The following VPS13B variants were observed in gnomAD, a reference collection of about 807,000 sequenced individuals.
VPS13B encodes intermembrane lipid transfer protein VPS13B.
Under a neutral mutation model 426.4 loss-of-function variants are expected in VPS13B, and 285 were observed. The ratio of observed to expected loss-of-function variants is 0.67; its 90% CI spans 0.61 to 0.74. The LOEUF (loss-of-function observed/expected upper bound fraction) is 0.74. VPS13B is among the 30% of genes least tolerant of loss of function. The pLI, the probability that VPS13B is intolerant of heterozygous loss-of-function variation, is 0.00. For missense variants in VPS13B, 4,537 were observed against 4,782.6 expected (o/e 0.95, Z 1.51); for synonymous variants, 1,676 against 1,676.4 (o/e 1.00, Z 0.01).
At chr8:99,850,344 T>A in intron 55 of VPS13B, among the ~76,000 whole-genome samples, 1 of 135,008 alleles carries the variant, frequency 7.4e-6, no homozygotes, top group African/African-American at 3.0e-5. Context: ...TATGTACTTA[T>A]ACATACATAC....
At chr8:99,590,790 T>A (rs994335463) in intron 33 of VPS13B, among the ~76,000 whole-genome samples, 6 of 152,162 alleles carry the variant, frequency 3.9e-5, no homozygotes, top group African/African-American at 1.4e-4. Flanking sequence ...TGTGATGTGA[T>A]GCTGAGAATA....
At chr8:99,132,114 C>T (rs1809835400) in intron 8 of VPS13B, among the ~76,000 whole-genome samples, 1 of 151,706 alleles carries the variant, frequency 6.6e-6, no homozygotes, top group Non-Finnish European at 1.5e-5. Context: ...CCAGGCTGGT[C>T]TCAAACTCCT....
chr8:99,198,260 ATTTATTTG>A (rs1191580501), intron 17 of VPS13B, among the ~76,000 whole-genome samples: 2 of 152,012 alleles, frequency 1.3e-5, no homozygotes, highest in Non-Finnish European at 2.9e-5. Flanking sequence ...TGTCTAATTC[ATTTATTTG>A]TTTATTTGCT....
chr8:99,575,916 C>T, intron 32 of VPS13B, 132 bp downstream of exon 32: 1 of 907,490 alleles, frequency 1.1e-6, no homozygotes, highest in Non-Finnish European at 1.7e-6. Flanking sequence ...ACTATCATAG[C>T]TAACATTTAT....
intron 30 of VPS13B, among the ~76,000 whole-genome samples, chr8:99,533,401 A>T (rs190568642): frequency 6.0e-4 from 91 of 152,342 alleles, no homozygotes; most frequent in Middle Eastern, 6.8e-3. Flanking sequence ...GCTTTAAAAA[A>T]ATTTTTAAAC....
chr8:99,695,870 A>G (rs546442633), intron 35 of VPS13B: 1 of 152,226 alleles, frequency 6.6e-6, no homozygotes, highest in East Asian at 1.9e-4. Flanking sequence ...GCTCATGAAG[A>G]TGTAGAATAT....
At chr8:99,697,867 C>T in intron 35 of VPS13B, 3 of 544,842 alleles carry the variant, frequency 5.5e-6, no homozygotes, top group Non-Finnish European at 1.1e-5. Context: ...ATGGCAAGGT[C>T]AACATCAATG....
chr8:99,660,743 A>T (rs1830190096), intron 34 of VPS13B, among the ~76,000 whole-genome samples: 1 of 152,066 alleles, frequency 6.6e-6, no homozygotes, highest in Non-Finnish European at 1.5e-5. Flanking sequence ...ACAGAAAAAA[A>T]GTCTAAACAG....
At chr8:99,051,608 A>G (rs984381939) in intron 3 of VPS13B, among the ~76,000 whole-genome samples, 2 of 152,120 alleles carry the variant, frequency 1.3e-5, no homozygotes, top group African/African-American at 4.8e-5. Context: ...TGAATCTATA[A>G]ATTACCTTGG....
chr8:99,107,975 T>C, intron 5 of VPS13B, among the ~76,000 whole-genome samples: 1 of 152,170 alleles, frequency 6.6e-6, no homozygotes, highest in Non-Finnish European at 1.5e-5. Context: ...TAATGGTTAG[T>C]CTTTTGATTC....
At position 99,084,511 on chromosome 8, in the gene VPS13B, G is replaced by A. The variant is rs187502114; in HGVS notation, c.292-11801G>A. 6.3e-3 allele frequency among the ~76,000 whole-genome samples: 954 copies of A among 152,094 alleles called. 5 individuals are homozygous for A. Among genetic ancestry groups the A allele is most frequent in the African/African-American group, 0.022 (896 of 41,486 alleles). ...CTTCTGCTAGCTTTTGAATGTGTTT[G>A]CTCTTGCTTCTCTAGTTCTTTTAAT... On this transcript the variant is annotated intron_variant, in intron 3 of 61. Coordinates refer to ENST00000357162, the MANE Select transcript of VPS13B (RefSeq NM_152564.5).
chr8:99,665,007 A>G (rs1309877167), intron 35 of VPS13B, among the ~76,000 whole-genome samples: 1 of 152,150 alleles, frequency 6.6e-6, no homozygotes, highest in Non-Finnish European at 1.5e-5. Flanking sequence ...AATGATCACC[A>G]TTCTAACTGG....
At chr8:99,831,742 G>C (rs1815073357) in intron 51 of VPS13B, among the ~76,000 whole-genome samples, 1 of 152,144 alleles carries the variant, frequency 6.6e-6, no homozygotes, top group Non-Finnish European at 1.5e-5. Context: ...ATGTTATCAA[G>C]TATTACAAGT....
At chr8:99,409,485 A>G (rs953300970) in intron 21 of VPS13B, among the ~76,000 whole-genome samples, 1 of 152,136 alleles carries the variant, frequency 6.6e-6, no homozygotes, top group African/African-American at 2.4e-5. Flanking sequence ...AAGTTTGAAG[A>G]TATTTAAATC....
At chr8:99,821,583 ACTT>A (rs923590314) in intron 50 of VPS13B, 101 bp downstream of exon 50, 4 of 1,344,572 alleles carry the variant, frequency 3.0e-6, no homozygotes, top group Admixed American at 3.4e-5. Context: ...TTTTCATATT[ACTT>A]CTTCTAAACA....
At position 99,640,730 on chromosome 8, in the gene VPS13B, A is replaced by G. The variant is rs1829325007; in HGVS notation, c.5221-1081A>G. 2.0e-5 allele frequency among the ~76,000 whole-genome samples: 3 copies of G among 152,220 alleles called. No homozygotes were observed. The South Asian group carries it at 6.2e-4, about 32-fold the overall frequency. On this transcript the variant is annotated intron_variant, in intron 33 of 61. Coordinates refer to ENST00000357162, the MANE Select transcript of VPS13B (RefSeq NM_152564.5). Reference sequence around the variant, plus strand: ...GCAGCTTTAAAAATTATATTTATGAAGAGTACATTAGCATGTCAACATTTG... The same window carrying G: ...GCAGCTTTAAAAATTATATTTATGAGGAGTACATTAGCATGTCAACATTTG...
rs74841075 is a variant in VPS13B at position 99,672,475 on chromosome 8, G to T, written c.6046+10984G>T. Among the ~76,000 whole-genome samples the T allele has an allele frequency of 3.9e-5, 6 of 151,944 alleles. No homozygotes were observed. The East Asian group carries it at 7.7e-4, about 20-fold the overall frequency. On this transcript the variant is annotated intron_variant, in intron 35 of 61. Transcript: ENST00000357162. ...TTTTTGTATGCTGATTTTTAATCAC[G>T]CAAATTCACTGAATTCTAACAGTTT...
intron 17 of VPS13B, among the ~76,000 whole-genome samples, chr8:99,204,914 A>C (rs1588139157): frequency 1.3e-5 from 2 of 152,344 alleles, no homozygotes; most frequent in Non-Finnish European, 2.9e-5. Context: ...GTGGGAGTCT[A>C]AATTAGTTCA....
chr8:99,427,394 C>T (rs1186810204), intron 21 of VPS13B, among the ~76,000 whole-genome samples: 8 of 145,106 alleles, frequency 5.5e-5, no homozygotes, highest in Non-Finnish European at 7.5e-5. Context: ...CTTGGCAATG[C>T]GGGCTCTTTT....
Sources: gnomAD v4.1 joint callset for allele counts (sites outside exome capture counted in the v4.1 genomes callset) on GRCh38, gnomAD v4.1.1 for gene constraint, MANE v1.5 for transcripts, NCBI Gene and HGNC (gene_info 2026-07-23, HGNC 2026-07-21) for gene names.